CA10: variants seen among roughly 807,000 people sequenced by gnomAD.
The protein encoded by CA10 is carbonic anhydrase-related protein 10.
In CA10, 14 loss-of-function variants were observed where a neutral mutation model predicts 44.2. That is an observed-to-expected ratio of 0.32 (90% CI 0.21 to 0.50). CA10 has a LOEUF of 0.50. CA10 is among the 20% of genes least tolerant of loss of function. CA10 has a pLI of 0.99. For synonymous variants in CA10, 159 were observed against 141.6 expected (o/e 1.12, Z -0.87); for missense variants, 350 against 409.7 (o/e 0.85, Z 1.26).
intron 1 of CA10, among the ~76,000 whole-genome samples, chr17:52,127,644 G>T (rs1035732965): frequency 6.6e-6 from 1 of 152,082 alleles, no homozygotes; most frequent in Non-Finnish European, 1.5e-5. Context: ...GCTCTCTGAG[G>T]GTTATGAACA....
chr17:51,732,439 T>C (rs1345828241), intron 4 of CA10, among the ~76,000 whole-genome samples: 2 of 152,388 alleles, frequency 1.3e-5, no homozygotes, highest in East Asian at 3.9e-4. Context: ...ATCCGGCTTA[T>C]GTCAGAAAGC....
chr17:51,781,996 G>C (rs1906081751), intron 3 of CA10, among the ~76,000 whole-genome samples: 1 of 152,180 alleles, frequency 6.6e-6, no homozygotes, highest in Non-Finnish European at 1.5e-5. Context: ...TGACTTATCT[G>C]ACTCTCAAGC....
chr17:52,094,081 G>A (rs1427283478), intron 1 of CA10, among the ~76,000 whole-genome samples: 9 of 152,062 alleles, frequency 5.9e-5, no homozygotes, highest in Non-Finnish European at 1.3e-4. Flanking sequence ...ACTCATAAGT[G>A]GGAGCTGAAC....
intron 4 of CA10, among the ~76,000 whole-genome samples, chr17:51,693,549 G>A (rs111316640): frequency 0.019 from 2,857 of 152,108 alleles, 30 homozygotes; most frequent in Admixed American, 0.022. Flanking sequence ...ATGTCCATGA[G>A]TACCCAATGT....
At chr17:51,681,804 A>G (rs552999839) in intron 4 of CA10, among the ~76,000 whole-genome samples, 5 of 152,138 alleles carry the variant, frequency 3.3e-5, no homozygotes, top group Non-Finnish European at 7.4e-5. Flanking sequence ...TGTAGCCATC[A>G]GGTAATTTCT....
chr17:51,639,316 G>C (rs966480793), intron 6 of CA10, among the ~76,000 whole-genome samples: 1 of 152,140 alleles, frequency 6.6e-6, no homozygotes, highest in African/African-American at 2.4e-5. Context: ...GTGGGGAGGA[G>C]TGAAGGGGGA....
chr17:51,918,374 T>C (rs1982088250), intron 3 of CA10, among the ~76,000 whole-genome samples: 1 of 152,180 alleles, frequency 6.6e-6, no homozygotes, highest in South Asian at 2.1e-4. Flanking sequence ...GCTCCTTAGA[T>C]GAGATGTGAA....
chr17:51,695,858 A>G (rs1915385480), intron 4 of CA10, among the ~76,000 whole-genome samples: 1 of 151,968 alleles, frequency 6.6e-6, no homozygotes, highest in Admixed American at 6.5e-5. Flanking sequence ...TTGTTTCTTG[A>G]GGGTTTTTAT....
intron 2 of CA10, among the ~76,000 whole-genome samples, chr17:51,959,282 C>CTCTGTGTGTGTGTGTG (rs748461115): frequency 3.0e-5 from 4 of 134,370 alleles, no homozygotes; most frequent in South Asian, 5.2e-4. Flanking sequence ...CTCTCTCTCT[C>CTCTGTGTGTGTGTGTG]TGTGTGTGTG....
chr17:51,965,999 GACAA>G (rs1984065034), intron 2 of CA10, among the ~76,000 whole-genome samples: 2 of 151,856 alleles, frequency 1.3e-5, no homozygotes, highest in Admixed American at 1.3e-4. Context: ...TCCTGGAACT[GACAA>G]ACAACTTCAG....
At chr17:52,024,435 T>C (rs1412511047) in intron 2 of CA10, among the ~76,000 whole-genome samples, 1 of 151,254 alleles carries the variant, frequency 6.6e-6, no homozygotes, top group Non-Finnish European at 1.5e-5. Flanking sequence ...GTGAGAGTAC[T>C]AGGGCAATGT....
At chr17:52,147,563 C>G (rs1989616359) in intron 1 of CA10, among the ~76,000 whole-genome samples, 1 of 148,584 alleles carries the variant, frequency 6.7e-6, no homozygotes, top group African/African-American at 2.5e-5. Context: ...ACCAATAAAA[C>G]TCAGTGCTAA....
chr17:51,642,616 C>T (rs1008234861), intron 6 of CA10, among the ~76,000 whole-genome samples: 3 of 152,124 alleles, frequency 2.0e-5, no homozygotes, highest in Non-Finnish European at 4.4e-5. Context: ...AGAGGAAATA[C>T]ATTAGGACAA....
chr17:51,811,146 A>C (rs1452182135), intron 3 of CA10, among the ~76,000 whole-genome samples: 2 of 151,684 alleles, frequency 1.3e-5, no homozygotes, highest in Non-Finnish European at 2.9e-5. Flanking sequence ...CAGTGAGCCA[A>C]GGTTGTGCCA....
chr17:51,964,074 A>G (rs188878683), intron 2 of CA10, among the ~76,000 whole-genome samples: 5 of 152,256 alleles, frequency 3.3e-5, no homozygotes, highest in Admixed American at 6.5e-5. Flanking sequence ...AGAAGGTTCT[A>G]TAACACAAAT....
chr17:51,928,248 A>ACTG (rs1195298861), intron 3 of CA10, among the ~76,000 whole-genome samples: 1 of 152,186 alleles, frequency 6.6e-6, no homozygotes, highest in East Asian at 1.9e-4. Flanking sequence ...TGCATGAAAC[A>ACTG]CAGTTTGAAC....
chr17:51,764,983 G>A (rs1321760637), intron 3 of CA10, among the ~76,000 whole-genome samples: 1 of 152,278 alleles, frequency 6.6e-6, no homozygotes, highest in East Asian at 1.9e-4. Context: ...ATTTTTAAAA[G>A]GTTGTGTGAA....
intron 1 of CA10, among the ~76,000 whole-genome samples, chr17:52,090,722 A>G (rs1024994127): frequency 6.6e-6 from 1 of 152,102 alleles, no homozygotes; most frequent in Non-Finnish European, 1.5e-5. Context: ...TTTTTTATGC[A>G]TTCTAGGTAG....
intron 2 of CA10, among the ~76,000 whole-genome samples, chr17:51,932,371 A>G (rs1982699711): frequency 6.6e-6 from 1 of 152,176 alleles, no homozygotes; most frequent in African/African-American, 2.4e-5. Context: ...TGCCTATAGC[A>G]TAGATGGAGA....
Sources: allele counts gnomAD v4.1 joint callset (sites outside exome capture counted in the v4.1 genomes callset), GRCh38; gene constraint gnomAD v4.1.1; transcripts MANE v1.5; gene names NCBI Gene and HGNC (gene_info 2026-07-23, HGNC 2026-07-21).